Variants in F13A1 observed in about 807,000 individuals in gnomAD.
F13A1 encodes the protein FSF, A subunit.
Under a neutral mutation model 80.1 loss-of-function variants are expected in F13A1, and 47 were observed. The observed-to-expected ratio is 0.59, with a 90% CI of 0.46 to 0.75. The LOEUF (loss-of-function observed/expected upper bound fraction) is 0.75, where lower values mean the gene tolerates loss of function less well. F13A1 is among the 30% of genes least tolerant of loss of function. The pLI is 0.00. For missense variants in F13A1, 817 were observed against 930.4 expected (o/e 0.88, Z 1.59); for synonymous variants, 349 against 344.9 (o/e 1.01, Z -0.13).
At chr6:6,190,933 G>A (rs1262540502) in intron 10 of F13A1, among the ~76,000 whole-genome samples, 2 of 152,166 alleles carry the variant, frequency 1.3e-5, no homozygotes, top group South Asian at 2.1e-4. Context: ...GTGGTGCGCC[G>A]TTTTTTAAGC....
chr6:6,224,088 G>A (rs1452755154), intron 7 of F13A1, among the ~76,000 whole-genome samples: 1 of 152,192 alleles, frequency 6.6e-6, no homozygotes, highest in Non-Finnish European at 1.5e-5. Context: ...CAGATTGGAT[G>A]TTGGGTGGAT....
At chr6:6,149,482 T>G (rs1760336931) in intron 14 of F13A1, among the ~76,000 whole-genome samples, 1 of 152,136 alleles carries the variant, frequency 6.6e-6, no homozygotes, top group African/African-American at 2.4e-5. Flanking sequence ...GGGAGGTAAC[T>G]AAATTAGAAT....
intron 5 of F13A1, among the ~76,000 whole-genome samples, chr6:6,249,506 A>C (rs761450530): frequency 1.3e-5 from 2 of 152,234 alleles, no homozygotes; most frequent in Non-Finnish European, 2.9e-5. Context: ...ATACACACCA[A>C]TAGCCTCTTT....
At chr6:6,158,058 A>G (rs1760507987) in intron 13 of F13A1, among the ~76,000 whole-genome samples, 1 of 152,114 alleles carries the variant, frequency 6.6e-6, no homozygotes, top group Admixed American at 6.5e-5. Context: ...CCTCTGTGAA[A>G]GTAGCCACGA....
chr6:6,202,360 T>C (rs1219550501), intron 8 of F13A1, among the ~76,000 whole-genome samples: 1 of 152,216 alleles, frequency 6.6e-6, no homozygotes, highest in East Asian at 1.9e-4. Flanking sequence ...GTAGAGTGCA[T>C]AAATCTACTT....
At chr6:6,254,898 T>C (rs542761749) in intron 4 of F13A1, among the ~76,000 whole-genome samples, 1 of 152,308 alleles carries the variant, frequency 6.6e-6, no homozygotes, top group East Asian at 1.9e-4. Flanking sequence ...TTCCATCAGA[T>C]AAAGTTATTT....
intron 2 of F13A1, 85 bp from the exon 3 acceptor site, chr6:6,305,624 T>C (rs1758502454): frequency 4.2e-6 from 6 of 1,431,832 alleles, no homozygotes; most frequent in Non-Finnish European, 4.8e-6. Context: ...TTATTTTCCC[T>C]GAAGAAGGCA....
At chr6:6,229,237 G>A (rs1256074860) in intron 6 of F13A1, among the ~76,000 whole-genome samples, 2 of 152,046 alleles carry the variant, frequency 1.3e-5, no homozygotes, top group Non-Finnish European at 2.9e-5. Flanking sequence ...GAGAGAGGGA[G>A]AGATCATGAA....
At chr6:6,197,200 C>T (rs1561651306) in intron 9 of F13A1, 23 bp downstream of exon 9, 1 of 1,609,290 alleles carries the variant, frequency 6.2e-7, no homozygotes, top group Non-Finnish European at 8.5e-7. Context: ...AAGCAAGTTC[C>T]CAGAGGGAGG....
At chr6:6,198,864 C>T (rs1272242464) in intron 8 of F13A1, among the ~76,000 whole-genome samples, 1 of 151,900 alleles carries the variant, frequency 6.6e-6, no homozygotes, top group African/African-American at 2.4e-5. Flanking sequence ...ATTTGGGGTG[C>T]CATGGAGTCT....
At chr6:6,153,271 C>T (rs939474826) in intron 13 of F13A1, among the ~76,000 whole-genome samples, 2 of 152,016 alleles carry the variant, frequency 1.3e-5, no homozygotes, top group African/African-American at 2.4e-5. Flanking sequence ...TAAGAATGGA[C>T]GTAAAGAGGA....
At chr6:6,251,344 T>G (rs1046557304) in intron 4 of F13A1, among the ~76,000 whole-genome samples, 2 of 152,232 alleles carry the variant, frequency 1.3e-5, no homozygotes, top group Non-Finnish European at 2.9e-5. Flanking sequence ...TGAAAATGAC[T>G]TTTAAAACAA....
intron 8 of F13A1, among the ~76,000 whole-genome samples, chr6:6,205,202 G>A (rs1761465661): frequency 6.6e-6 from 1 of 152,258 alleles, no homozygotes; most frequent in Admixed American, 6.5e-5. Flanking sequence ...GAAGTCACGT[G>A]TAAATACAGT....
intron 3 of F13A1, among the ~76,000 whole-genome samples, chr6:6,287,102 A>G (rs1283149721): frequency 6.6e-6 from 1 of 152,204 alleles, no homozygotes; most frequent in Non-Finnish European, 1.5e-5. Flanking sequence ...GCAAAGATGA[A>G]GAATATTTAG....
At chr6:6,168,583 G>A (rs554773294) in intron 12 of F13A1, among the ~76,000 whole-genome samples, 18 of 152,344 alleles carry the variant, frequency 1.2e-4, no homozygotes, top group Non-Finnish European at 2.5e-4. Context: ...CCCAGCCACA[G>A]AGAACAGACT....
At chr6:6,181,190 C>T (rs183249061) in intron 11 of F13A1, among the ~76,000 whole-genome samples, 7 of 152,258 alleles carry the variant, frequency 4.6e-5, no homozygotes, top group South Asian at 4.1e-4. Context: ...CTTCTTTAAC[C>T]GAGGTCCACG....
At chr6:6,166,848 T>A (rs759893482) in intron 13 of F13A1, among the ~76,000 whole-genome samples, 3 of 152,198 alleles carry the variant, frequency 2.0e-5, no homozygotes, top group Non-Finnish European at 4.4e-5. Context: ...CCTATGGTGA[T>A]AAAAGTCAGA....
At chr6:6,310,796 G>T (rs969255021) in intron 2 of F13A1, among the ~76,000 whole-genome samples, 5 of 152,132 alleles carry the variant, frequency 3.3e-5, no homozygotes, top group Non-Finnish European at 7.3e-5. Flanking sequence ...ATTTGGATTG[G>T]CCCTTAGGAC....
intron 4 of F13A1, among the ~76,000 whole-genome samples, chr6:6,262,394 A>G (rs1330709174): frequency 6.6e-6 from 1 of 152,262 alleles, no homozygotes; most frequent in Non-Finnish European, 1.5e-5. Flanking sequence ...CAACATTGAA[A>G]TTGAAGGTGA....
Sources: gnomAD v4.1 joint callset for allele counts (sites outside exome capture counted in the v4.1 genomes callset) on GRCh38, gnomAD v4.1.1 for gene constraint, MANE v1.5 for transcripts, NCBI Gene and HGNC (gene_info 2026-07-23, HGNC 2026-07-21) for gene names.